The following SLC35F3 variants were observed in gnomAD, a reference collection of about 807,000 sequenced individuals.
SLC35F3 encodes solute carrier family 35 member F3.
Under a neutral mutation model 49.9 loss-of-function variants are expected in SLC35F3, and 25 were observed. The observed-to-expected ratio is 0.50, with a 90% CI of 0.37 to 0.70. The LOEUF (loss-of-function observed/expected upper bound fraction) is 0.70. SLC35F3 is among the 30% of genes least tolerant of loss of function. The pLI is 0.00. For synonymous variants in SLC35F3, 275 were observed against 265.4 expected, an observed-to-expected ratio of 1.04 and a Z score of -0.35; for missense variants, 525 against 639.8, an observed-to-expected ratio of 0.82 and a Z score of 1.94.
At chr1:233,967,623 C>G (rs1261047493) in intron 2 of SLC35F3, among the ~76,000 whole-genome samples, 1 of 152,002 alleles carries the variant, frequency 6.6e-6, no homozygotes, top group Non-Finnish European at 1.5e-5. Context: ...AATGTGGAAC[C>G]CAGTAAGAAG....
intron 2 of SLC35F3, among the ~76,000 whole-genome samples, chr1:234,210,003 T>C (rs928156240): frequency 6.6e-6 from 1 of 152,188 alleles, no homozygotes; most frequent in Non-Finnish European, 1.5e-5. Flanking sequence ...ATCTTGAATT[T>C]CCATATGTTG....
intron 2 of SLC35F3, among the ~76,000 whole-genome samples, chr1:234,177,789 C>T (rs560869974): frequency 1.8e-4 from 28 of 152,264 alleles, no homozygotes; most frequent in African/African-American, 3.4e-4. Flanking sequence ...TAACTCAGTC[C>T]GTGGTCTTAT....
intron 2 of SLC35F3, among the ~76,000 whole-genome samples, chr1:234,011,645 G>C (rs1663721901): frequency 6.6e-6 from 1 of 152,152 alleles, no homozygotes; most frequent in Non-Finnish European, 1.5e-5. Flanking sequence ...GAGGAAGTGA[G>C]AGCACTTGAA....
At chr1:234,028,080 A>C (rs565874355) in intron 2 of SLC35F3, among the ~76,000 whole-genome samples, 71 of 152,254 alleles carry the variant, frequency 4.7e-4, no homozygotes, top group African/African-American at 1.7e-3. Flanking sequence ...AAGGAGAGAA[A>C]GCAGGCCAAC....
At position 234,000,197 on chromosome 1, in the gene SLC35F3, C is replaced by T. The variant is rs149540229; in HGVS notation, c.283+94439C>T. Among the ~76,000 whole-genome samples the T allele has an allele frequency of 2.7e-3, 407 of 152,216 alleles. 6 individuals carry two copies. Among genetic ancestry groups the T allele is most frequent in the East Asian group, 0.024 (124 of 5,178 alleles). ...CGCAAAGAGTAGAAAACATGGGCTG[C>T]GTTCCATTTCATTGGTGAAAAACAG... On this transcript the variant is annotated intron_variant, in intron 2 of 7. Transcript: ENST00000366618.
intron 2 of SLC35F3, among the ~76,000 whole-genome samples, chr1:233,995,627 G>T (rs1367317659): frequency 6.6e-6 from 1 of 152,132 alleles, no homozygotes; most frequent in African/African-American, 2.4e-5. Context: ...TTCACGCGGA[G>T]GCTTTTCTTG....
At chr1:234,171,882 C>T (rs1384533454) in intron 2 of SLC35F3, among the ~76,000 whole-genome samples, 11 of 152,102 alleles carry the variant, frequency 7.2e-5, no homozygotes, top group South Asian at 6.2e-4. Context: ...TTATATGTAC[C>T]GGAACATCAC....
chr1:234,029,326 T>C (rs1364848155), intron 2 of SLC35F3, among the ~76,000 whole-genome samples: 1 of 152,172 alleles, frequency 6.6e-6, no homozygotes, highest in African/African-American at 2.4e-5. Flanking sequence ...TGGAGGAGCA[T>C]TCCCGCAGAT....
At chr1:234,280,529 C>T (rs2102980564) in intron 3 of SLC35F3, among the ~76,000 whole-genome samples, 1 of 152,254 alleles carries the variant, frequency 6.6e-6, no homozygotes, top group South Asian at 2.1e-4. Context: ...AGCTTGACAG[C>T]CTTCAGAATG....
At chr1:234,038,250 G>A (rs2102851693) in intron 2 of SLC35F3, among the ~76,000 whole-genome samples, 1 of 151,346 alleles carries the variant, frequency 6.6e-6, no homozygotes, top group South Asian at 2.1e-4. Context: ...TACTGAGAAT[G>A]ATGATTTCCA....
intron 3 of SLC35F3, among the ~76,000 whole-genome samples, chr1:234,263,980 G>C (rs1260947069): frequency 6.6e-6 from 1 of 152,118 alleles, no homozygotes; most frequent in Non-Finnish European, 1.5e-5. Flanking sequence ...ATAGTGGCAG[G>C]CACCTGTAAT....
intron 2 of SLC35F3, among the ~76,000 whole-genome samples, chr1:234,146,668 C>A (rs1666002207): frequency 6.6e-6 from 1 of 151,854 alleles, no homozygotes; most frequent in South Asian, 2.1e-4. Context: ...GCATGTGCCA[C>A]CACGCCTGGC....
intron 2 of SLC35F3, among the ~76,000 whole-genome samples, chr1:233,961,797 G>A (rs12217098): frequency 0.047 from 7,210 of 152,216 alleles, 260 homozygotes; most frequent in East Asian, 0.17. Flanking sequence ...CTGTCAGGTC[G>A]TAGCTCTCTA....
intron 2 of SLC35F3, among the ~76,000 whole-genome samples, chr1:234,120,949 GTT>G (rs1323301816): frequency 6.6e-6 from 1 of 152,056 alleles, no homozygotes; most frequent in Non-Finnish European, 1.5e-5. Context: ...TTTTCAAGCA[GTT>G]TTTTAGCATT....
chr1:234,134,292 T>G (rs1367591871), intron 2 of SLC35F3, among the ~76,000 whole-genome samples: 1 of 148,690 alleles, frequency 6.7e-6, no homozygotes, highest in African/African-American at 2.4e-5. Context: ...TTGTAATTAA[T>G]AATAATTATA....
chr1:233,916,408 T>C (rs1485387015), intron 2 of SLC35F3, among the ~76,000 whole-genome samples: 1 of 152,314 alleles, frequency 6.6e-6, no homozygotes, highest in Non-Finnish European at 1.5e-5. Flanking sequence ...GCTGGGACTA[T>C]AGGCTTGCAC....
chr1:234,280,589 G>A (rs893779043), intron 3 of SLC35F3, among the ~76,000 whole-genome samples: 38 of 152,288 alleles, frequency 2.5e-4, no homozygotes, highest in African/African-American at 8.9e-4. Context: ...ATTAAAGACA[G>A]GAAGCATGGT....
At chr1:234,109,578 C>T (rs1665374341) in intron 2 of SLC35F3, among the ~76,000 whole-genome samples, 1 of 152,176 alleles carries the variant, frequency 6.6e-6, no homozygotes. Flanking sequence ...TGGTTGCTAG[C>T]ACCTTTATTT....
chr1:234,260,615 A>G (rs1667888675), intron 3 of SLC35F3, among the ~76,000 whole-genome samples: 3 of 152,162 alleles, frequency 2.0e-5, no homozygotes, highest in African/African-American at 2.4e-5. Flanking sequence ...AGGACTTGGG[A>G]TATGAAATTC....
Sources: gnomAD v4.1 joint callset for allele counts (sites outside exome capture counted in the v4.1 genomes callset) on GRCh38, gnomAD v4.1.1 for gene constraint, MANE v1.5 for transcripts, NCBI Gene and HGNC (gene_info 2026-07-23, HGNC 2026-07-21) for gene names.